The following RAD23B variants were observed in gnomAD, a reference collection of about 807,000 sequenced individuals.
The protein encoded by RAD23B is lysine-specific demethylase RAD23B.
In RAD23B, 5 loss-of-function variants were observed where a neutral mutation model predicts 49.1. That is an observed-to-expected ratio of 0.10 (90% CI 0.05 to 0.21). The LOEUF (loss-of-function observed/expected upper bound fraction) is 0.21, where lower values mean the gene tolerates loss of function less well. Ranked by LOEUF, RAD23B falls within the 10% of genes least tolerant of loss-of-function variation. RAD23B has a pLI of 1.00. For missense variants in RAD23B, 356 were observed against 486.7 expected (o/e 0.73, Z 2.53); for synonymous variants, 184 against 165.4 (o/e 1.11, Z -0.86).
chr9:107,308,308 T>C (rs1285622767), intron 4 of RAD23B, among the ~76,000 whole-genome samples: 1 of 148,342 alleles, frequency 6.7e-6, no homozygotes, highest in African/African-American at 2.5e-5. Flanking sequence ...AACCTCCACC[T>C]CCCGGGTTCA....
intron 1 of RAD23B, chr9:107,284,842 C>A: frequency 8.1e-7 from 1 of 1,235,092 alleles, no homozygotes; most frequent in Non-Finnish European, 1.1e-6. Flanking sequence ...TGACCTTGGG[C>A]AAATTACGGT....
chr9:107,283,844 C>T, intron 1 of RAD23B, 149 bp downstream of exon 1: 1 of 926,728 alleles, frequency 1.1e-6, no homozygotes, highest in Non-Finnish European at 1.4e-6. Flanking sequence ...TGGCGGCGTA[C>T]AGCGGAGCCG....
At chr9:107,323,028 A>G (rs1166476586) in intron 7 of RAD23B, among the ~76,000 whole-genome samples, 1 of 152,210 alleles carries the variant, frequency 6.6e-6, no homozygotes, top group African/African-American at 2.4e-5. Flanking sequence ...TTCAATTGGA[A>G]TGATTGTCTT....
intron 4 of RAD23B, among the ~76,000 whole-genome samples, chr9:107,308,084 A>G (rs1587855745): frequency 6.6e-6 from 1 of 152,098 alleles, no homozygotes; most frequent in African/African-American, 2.4e-5. Flanking sequence ...AGTCAGCACA[A>G]TACATCTTAT....
chr9:107,289,666 T>C (rs1050813096), intron 1 of RAD23B, among the ~76,000 whole-genome samples: 35 of 152,144 alleles, frequency 2.3e-4, no homozygotes, highest in Non-Finnish European at 5.0e-4. Flanking sequence ...TTTTGAGAGG[T>C]ACAGTTGGCT....
chr9:107,304,874 C>G (rs917733961), intron 3 of RAD23B, among the ~76,000 whole-genome samples: 2 of 152,214 alleles, frequency 1.3e-5, no homozygotes, highest in African/African-American at 4.8e-5. Context: ...TTGCCCAAAA[C>G]TTACCTACTA....
rs575508694 is a variant in RAD23B at position 107,293,258 on chromosome 9, G to A, written c.67-6883G>A. ...CCTCAGAAGTCACACTTTTACTTCAGCAGTATCTTACTGTTCTTGTGGACT... is the reference window on the plus strand; with the variant it reads ...CCTCAGAAGTCACACTTTTACTTCAACAGTATCTTACTGTTCTTGTGGACT... On this transcript the variant is annotated intron_variant, in intron 1 of 9. Transcript: ENST00000358015. Among the ~76,000 whole-genome samples, 81 of 152,306 alleles carry A rather than the reference G, an allele frequency of 5.3e-4. 1 individual carries two copies. The highest frequency in any genetic ancestry group is 9.2e-4 in the Admixed American group (14 of 15,296).
chr9:107,319,420 G>GT (rs1272450873), intron 6 of RAD23B, among the ~76,000 whole-genome samples: 1 of 151,998 alleles, frequency 6.6e-6, no homozygotes, highest in Non-Finnish European at 1.5e-5. Flanking sequence ...GTGAGCCACC[G>GT]TGCCTGGCCA....
chr9:107,326,888 C>G (rs1360285742), intron 9 of RAD23B, among the ~76,000 whole-genome samples: 1 of 152,026 alleles, frequency 6.6e-6, no homozygotes, highest in African/African-American at 2.4e-5. Flanking sequence ...ATCCACCCGC[C>G]TCGGCCTCCT....
intron 9 of RAD23B, among the ~76,000 whole-genome samples, chr9:107,329,261 G>GT (rs1207216742): frequency 6.6e-6 from 1 of 152,130 alleles, no homozygotes; most frequent in Non-Finnish European, 1.5e-5. Context: ...AGGCCAAAGA[G>GT]TATTTGCATA....
intron 4 of RAD23B, 40 bp from the exon 5 acceptor site, chr9:107,311,642 A>G (rs1826889039): frequency 4.2e-6 from 6 of 1,431,096 alleles, no homozygotes; most frequent in Admixed American, 2.1e-5. Context: ...TAAATTTTAT[A>G]TACTTTTTAA....
Position 107,318,973 on chromosome 9 carries a change from A to C in RAD23B, c.681+94A>C. 1 of 1,254,948 alleles carries C rather than the reference A, an allele frequency of 8.0e-7. No individual in the cohort carries two copies. The highest frequency in any genetic ancestry group is 1.1e-6 in the Non-Finnish European group (1 of 911,638). 77.7% of individuals were successfully genotyped at this position (1,254,948 alleles called of 1,614,324 possible). A position where few individuals can be genotyped will look rare whatever the true frequency, so the allele number is the denominator to read the frequency against. On this transcript the variant is annotated intron_variant, in intron 6 of 9. Coordinates refer to ENST00000358015, the MANE Select transcript of RAD23B (RefSeq NM_002874.5). This position sits in a 1 kb window ranked among gnomAD's most constrained non-coding sequence, Gnocchi z 4.3. ...AAGGACCAGTTCACTTGTCACTGAT[A>C]TATGCTAGATGATATACATAATGCT...
At chr9:107,307,875 C>T (rs995837209) in intron 4 of RAD23B, among the ~76,000 whole-genome samples, 4 of 152,252 alleles carry the variant, frequency 2.6e-5, no homozygotes, top group Middle Eastern at 3.4e-3. Flanking sequence ...TCTATGACAC[C>T]ATTGCCTAAC....
intron 9 of RAD23B, among the ~76,000 whole-genome samples, chr9:107,327,892 G>GT (rs1393141972): frequency 2.6e-5 from 4 of 152,008 alleles, no homozygotes; most frequent in Admixed American, 6.6e-5. Flanking sequence ...TTGTGGCTCT[G>GT]TTATATATAA....
chr9:107,296,471 T>C (rs942083502), intron 1 of RAD23B, among the ~76,000 whole-genome samples: 5 of 152,266 alleles, frequency 3.3e-5, no homozygotes, highest in African/African-American at 1.2e-4. Context: ...GTTGAGCTTT[T>C]CTGTGCTGTG....
At chr9:107,306,042 G>A (rs1425798487) in intron 3 of RAD23B, among the ~76,000 whole-genome samples, 8 of 59,614 alleles carry the variant, frequency 1.3e-4, no homozygotes, top group African/African-American at 4.9e-4. Flanking sequence ...AAAATGATAC[G>A]GTTTATATCT....
intron 1 of RAD23B, among the ~76,000 whole-genome samples, chr9:107,289,700 G>A (rs560307740): frequency 2.6e-4 from 40 of 152,118 alleles, no homozygotes; most frequent in Admixed American, 5.9e-4. Flanking sequence ...TGTCACCTCA[G>A]GCAAGTTACT....
chr9:107,309,930 C>CAAA lies in RAD23B; in HGVS notation c.498-1734_498-1732dup, dbSNP rs34745859. On this transcript the variant is annotated intron_variant, in intron 4 of 9. Coordinates refer to ENST00000358015, the MANE Select transcript of RAD23B (RefSeq NM_002874.5). The stretch of plus-strand genomic sequence containing the variant: ...TGGGCGACAGAGTGAGACTCCATCT[C>CAAA]AAAAAAAAAAAAAAAAAAAACCAAT... 1.6e-3 allele frequency among the ~76,000 whole-genome samples: 118 copies of CAAA among 75,404 alleles called. 2 individuals are homozygous for CAAA. The highest frequency in any genetic ancestry group is 0.012 in the East Asian group (38 of 3,080). The allele number at this position is 75,404 out of a possible 152,430, so 49.5% of individuals were successfully genotyped here. A position where few individuals can be genotyped will look rare whatever the true frequency, so the allele number is the denominator to read the frequency against.
At chr9:107,291,127 C>G (rs1261679240) in intron 1 of RAD23B, among the ~76,000 whole-genome samples, 2 of 152,182 alleles carry the variant, frequency 1.3e-5, no homozygotes, top group East Asian at 3.9e-4. Context: ...TGAACAGATT[C>G]TGGAGGCTTA....
Sources: allele counts gnomAD v4.1 joint callset (sites outside exome capture counted in the v4.1 genomes callset), GRCh38; gene constraint gnomAD v4.1.1; non-coding constraint Gnocchi (gnomAD v3.1); transcripts MANE v1.5; gene names NCBI Gene and HGNC (gene_info 2026-07-23, HGNC 2026-07-21).